COG5: variants seen among roughly 807,000 people sequenced by gnomAD.
The protein encoded by COG5 is conserved oligomeric Golgi complex subunit 5.
In COG5, 86 loss-of-function variants were observed where a neutral mutation model predicts 110.4. That is an observed-to-expected ratio of 0.78 (90% CI 0.65 to 0.93). The LOEUF is 0.93. Among genes scored for constraint, COG5 ranks in the 40% least tolerant of loss-of-function variants. COG5 has a pLI of 0.00. For synonymous variants in COG5, 360 were observed against 334.6 expected, an observed-to-expected ratio of 1.08 and a Z score of -0.83; for missense variants, 1,077 against 987.0, an observed-to-expected ratio of 1.09 and a Z score of -1.22.
In COG5 at chr7:107,556,768, T is replaced by C. The variant is rs1253651947; in HGVS notation, c.234+1208A>G. Reference sequence around the variant, plus strand: ...CAAAGCTTGACAATTAAGCGTGTTTTCTTTCTTTTTTTTTTTTTTGAGACG... The same window carrying C: ...CAAAGCTTGACAATTAAGCGTGTTTCCTTTCTTTTTTTTTTTTTTGAGACG... On this transcript the variant is annotated intron_variant, in intron 2 of 21. Coordinates refer to ENST00000297135, the MANE Select transcript of COG5 (RefSeq NM_006348.5). Among the ~76,000 whole-genome samples the C allele has an allele frequency of 6.6e-5, 10 of 151,800 alleles. 3 individuals are homozygous for C. Among genetic ancestry groups the C allele is most frequent in the African/African-American group, 2.4e-4 (10 of 41,242 alleles).
At chr7:107,436,307 T>C (rs770702029) in intron 6 of COG5, among the ~76,000 whole-genome samples, 49 of 152,202 alleles carry the variant, frequency 3.2e-4, no homozygotes, top group African/African-American at 3.9e-4. Context: ...CTATACAACA[T>C]AGATGAAACT....
chr7:107,291,283 T>A (rs180960119), intron 12 of COG5, among the ~76,000 whole-genome samples: 18 of 152,284 alleles, frequency 1.2e-4, no homozygotes, highest in Admixed American at 1.3e-4. Context: ...GTGTAATCTC[T>A]ATCACCCTAG....
chr7:107,480,641 C>G (rs775619996), intron 6 of COG5, among the ~76,000 whole-genome samples: 1 of 151,992 alleles, frequency 6.6e-6, no homozygotes, highest in Non-Finnish European at 1.5e-5. Flanking sequence ...TGAAGATTGA[C>G]TTTTTTCTAA....
At chr7:107,221,465 G>A (rs1224393422) in intron 19 of COG5, among the ~76,000 whole-genome samples, 1 of 151,976 alleles carries the variant, frequency 6.6e-6, no homozygotes, top group Non-Finnish European at 1.5e-5. Flanking sequence ...TAAGTGCCAA[G>A]AAATGCTTAA....
chr7:107,479,680 A>T (rs1168045038), intron 6 of COG5, among the ~76,000 whole-genome samples: 8 of 152,192 alleles, frequency 5.3e-5, no homozygotes, highest in Non-Finnish European at 1.0e-4. Flanking sequence ...CATAAATTAC[A>T]TTGATAACAC....
At chr7:107,354,625 G>A (rs1437750548) in intron 10 of COG5, among the ~76,000 whole-genome samples, 7 of 152,170 alleles carry the variant, frequency 4.6e-5, no homozygotes, top group Non-Finnish European at 8.8e-5. Flanking sequence ...GCAGTGAGCC[G>A]AGACCACGCC....
intron 6 of COG5, among the ~76,000 whole-genome samples, chr7:107,441,183 G>C (rs936592715): frequency 1.3e-5 from 2 of 150,866 alleles, no homozygotes; most frequent in South Asian, 4.2e-4. Flanking sequence ...TGAACCCAGG[G>C]GGGCAAAGGT....
At chr7:107,211,273 AGGTGATTT>A (rs781167438) in intron 19 of COG5, 48 bp from the exon 20 acceptor site, 21 of 1,598,786 alleles carry the variant, frequency 1.3e-5, no homozygotes, top group Middle Eastern at 1.7e-4. Context: ...ATACTGAAAT[AGGTGATTT>A]GGTGGGAGAA....
chr7:107,258,019 G>C (rs1159729957), intron 15 of COG5, among the ~76,000 whole-genome samples: 7 of 152,018 alleles, frequency 4.6e-5, no homozygotes, highest in Non-Finnish European at 2.9e-5. Flanking sequence ...CCAATAATTT[G>C]CTCAATAAAC....
intron 6 of COG5, among the ~76,000 whole-genome samples, chr7:107,508,328 G>A (rs866686761): frequency 2.2e-4 from 34 of 152,346 alleles, no homozygotes; most frequent in African/African-American, 7.5e-4. Flanking sequence ...AGCAAGGCTG[G>A]GGGAGGGGCG....
At chr7:107,304,420 C>T (rs772850136) in intron 11 of COG5, among the ~76,000 whole-genome samples, 37 of 151,934 alleles carry the variant, frequency 2.4e-4, no homozygotes, top group Non-Finnish European at 4.4e-4. Flanking sequence ...TCTTATTTTC[C>T]TCTGTGTTTC....
intron 5 of COG5, among the ~76,000 whole-genome samples, chr7:107,547,185 T>C (rs185070684): frequency 2.0e-5 from 3 of 152,276 alleles, no homozygotes; most frequent in Admixed American, 2.0e-4. Flanking sequence ...CATGATCAAG[T>C]GAGATTTATC....
chr7:107,359,609 G>T (rs1812920899), intron 10 of COG5, among the ~76,000 whole-genome samples: 1 of 152,166 alleles, frequency 6.6e-6, no homozygotes, highest in Non-Finnish European at 1.5e-5. Context: ...GCTTTTTCCA[G>T]GCCTGCCCAT....
At chr7:107,421,783 G>T (rs1175534742) in intron 6 of COG5, among the ~76,000 whole-genome samples, 1 of 150,884 alleles carries the variant, frequency 6.6e-6, no homozygotes, top group Non-Finnish European at 1.5e-5. Flanking sequence ...AAAAAAAATT[G>T]TTCTTTGATC....
At chr7:107,286,079 G>A (rs1168254237) in intron 12 of COG5, among the ~76,000 whole-genome samples, 4 of 152,090 alleles carry the variant, frequency 2.6e-5, no homozygotes, top group African/African-American at 7.2e-5. Flanking sequence ...GGCTTACTGA[G>A]GGGCCCTGAA....
intron 10 of COG5, among the ~76,000 whole-genome samples, chr7:107,340,454 T>TG (rs1811080938): frequency 2.0e-5 from 3 of 152,090 alleles, no homozygotes; most frequent in Admixed American, 1.3e-4. Context: ...AAAAAAGGGC[T>TG]GGCACCAATA....
At chr7:107,543,178 C>T (rs1802169584) in intron 5 of COG5, among the ~76,000 whole-genome samples, 1 of 152,162 alleles carries the variant, frequency 6.6e-6, no homozygotes, top group Non-Finnish European at 1.5e-5. Context: ...TACACAAAAA[C>T]ATCTTCACAA....
At chr7:107,384,910 C>T (rs1192263744) in intron 7 of COG5, among the ~76,000 whole-genome samples, 2 of 152,128 alleles carry the variant, frequency 1.3e-5, no homozygotes, top group Non-Finnish European at 2.9e-5. Context: ...AGCTAATATA[C>T]GTCTTTATAT....
At chr7:107,407,959 G>A (rs981109424) in intron 7 of COG5, among the ~76,000 whole-genome samples, 7 of 151,988 alleles carry the variant, frequency 4.6e-5, no homozygotes, top group Admixed American at 1.3e-4. Context: ...AGTAGCAAAC[G>A]GACATGACTA....
Sources: allele counts gnomAD v4.1 joint callset (sites outside exome capture counted in the v4.1 genomes callset), GRCh38; gene constraint gnomAD v4.1.1; transcripts MANE v1.5; gene names NCBI Gene and HGNC (gene_info 2026-07-23, HGNC 2026-07-21).